Variants in TFEC observed in about 807,000 individuals in gnomAD.
TFEC encodes the protein class E basic helix-loop-helix protein 34.
In TFEC, 31 loss-of-function variants were observed where a neutral mutation model predicts 41.6. The ratio of observed to expected loss-of-function variants is 0.74; its 90% CI spans 0.56 to 1.01. TFEC has a LOEUF of 1.01. TFEC is among the 50% of genes least tolerant of loss of function. TFEC has a pLI of 0.00. For missense variants in TFEC, 402 were observed against 404.1 expected (o/e 0.99, Z 0.04); for synonymous variants, 143 against 140.6 (o/e 1.02, Z -0.12).
intron 3 of TFEC, among the ~76,000 whole-genome samples, chr7:116,040,387 G>GT (rs1395060042): frequency 6.6e-6 from 1 of 152,066 alleles, no homozygotes; most frequent in Admixed American, 6.6e-5. Flanking sequence ...CTATTAACAA[G>GT]TTTTTTATCT....
At chr7:116,110,895 G>T in exon 3 of TFEC, 1 of 1,534,470 alleles carries the variant, frequency 6.5e-7, no homozygotes, top group Non-Finnish European at 8.8e-7. Context: ...TCCAGTTAAA[G>T]CTTGTAACAT....
chr7:116,071,625 G>T (rs1429221821), intron 3 of TFEC, among the ~76,000 whole-genome samples: 1 of 151,286 alleles, frequency 6.6e-6, no homozygotes, highest in African/African-American at 2.4e-5. Flanking sequence ...TATAATGATT[G>T]TTATGTAGAA....
At chr7:115,943,261 G>C (rs1793598071) in intron 6 of TFEC, among the ~76,000 whole-genome samples, 2 of 151,906 alleles carry the variant, frequency 1.3e-5, no homozygotes, top group Admixed American at 1.3e-4. Flanking sequence ...GTGGTGGGAA[G>C]GGTGGGGAGA....
chr7:116,056,746 C>T (rs963234043), intron 3 of TFEC, among the ~76,000 whole-genome samples: 1 of 152,004 alleles, frequency 6.6e-6, no homozygotes, highest in Non-Finnish European at 1.5e-5. Context: ...TATAGGAATA[C>T]AAAAATATCT....
intron 1 of TFEC, among the ~76,000 whole-genome samples, chr7:116,024,204 T>A (rs537630374): frequency 6.6e-6 from 1 of 152,284 alleles, no homozygotes; most frequent in South Asian, 2.1e-4. Flanking sequence ...ATTATCCATG[T>A]GTAAGCCTAG....
At chr7:116,042,511 A>G (rs1796063301) in intron 3 of TFEC, among the ~76,000 whole-genome samples, 1 of 152,210 alleles carries the variant, frequency 6.6e-6, no homozygotes. Flanking sequence ...ATTAAAATGG[A>G]CAAATTTGAA....
At chr7:116,153,022 T>C (rs1798793121) in intron 1 of TFEC, among the ~76,000 whole-genome samples, 1 of 152,174 alleles carries the variant, frequency 6.6e-6, no homozygotes, top group South Asian at 2.1e-4. Flanking sequence ...CATAAGCATG[T>C]TGAGGCGAGC....
At chr7:116,083,934 A>G (rs934563832) in intron 3 of TFEC, among the ~76,000 whole-genome samples, 7 of 151,884 alleles carry the variant, frequency 4.6e-5, no homozygotes, top group African/African-American at 1.7e-4. Flanking sequence ...TTTTGAGTCA[A>G]TGAATTGAAA....
chr7:115,965,023 A>G (rs1000102348), intron 3 of TFEC, among the ~76,000 whole-genome samples: 2 of 151,634 alleles, frequency 1.3e-5, no homozygotes, highest in Non-Finnish European at 3.0e-5. Context: ...TAACAACTGT[A>G]GAAATGACAG....
At chr7:116,110,541 A>G (rs1797830088) in intron 3 of TFEC, among the ~76,000 whole-genome samples, 1 of 152,100 alleles carries the variant, frequency 6.6e-6, no homozygotes, top group Admixed American at 6.6e-5. Context: ...TAAATGGGTC[A>G]GTTAATGTAA....
chr7:116,045,615 G>A (rs1467330861), intron 3 of TFEC, among the ~76,000 whole-genome samples: 1 of 152,242 alleles, frequency 6.6e-6, no homozygotes, highest in Non-Finnish European at 1.5e-5. Context: ...TGCTGCAGGG[G>A]CAGGGCCCTC....
intron 1 of TFEC, among the ~76,000 whole-genome samples, chr7:116,144,468 G>C (rs1181050014): frequency 2.6e-5 from 4 of 152,062 alleles, no homozygotes; most frequent in African/African-American, 9.7e-5. Context: ...GGTCAAACAC[G>C]GTCTAGATTT....
intron 3 of TFEC, among the ~76,000 whole-genome samples, chr7:116,082,059 C>G (rs571753439): frequency 6.6e-6 from 1 of 152,020 alleles, no homozygotes; most frequent in Non-Finnish European, 1.5e-5. Flanking sequence ...TTCGTTTATA[C>G]ATCTGTCTCC....
intron 1 of TFEC, among the ~76,000 whole-genome samples, chr7:115,993,961 C>T (rs1794241933): frequency 6.6e-6 from 1 of 152,184 alleles, no homozygotes; most frequent in South Asian, 2.1e-4. Context: ...AACTATACTA[C>T]AAGGCTACAG....
chr7:116,031,548 T>C (rs1795782768), upstream of TFEC, among the ~76,000 whole-genome samples: 1 of 152,184 alleles, frequency 6.6e-6, no homozygotes, highest in African/African-American at 2.4e-5. Flanking sequence ...AATTCATTCT[T>C]GTAACAGTTA....
chr7:116,094,768 G>T (rs1458471443), intron 3 of TFEC, among the ~76,000 whole-genome samples: 1 of 152,086 alleles, frequency 6.6e-6, no homozygotes, highest in Non-Finnish European at 1.5e-5. Context: ...CTTACAGATG[G>T]TCCAACTTAC....
At chr7:115,974,663 T>G (rs1793302978) in intron 2 of TFEC, among the ~76,000 whole-genome samples, 1 of 150,974 alleles carries the variant, frequency 6.6e-6, no homozygotes, top group Admixed American at 6.6e-5. Flanking sequence ...TGTACAGAGA[T>G]TACTTTCTAC....
chr7:115,954,371 C>G (rs888933067), intron 5 of TFEC, among the ~76,000 whole-genome samples: 23 of 151,962 alleles, frequency 1.5e-4, no homozygotes, highest in Non-Finnish European at 3.1e-4. Flanking sequence ...AGTGAATGAT[C>G]AAGGAGGGAA....
intron 6 of TFEC, among the ~76,000 whole-genome samples, chr7:115,944,395 T>G (rs920841412): frequency 6.6e-6 from 1 of 151,580 alleles, no homozygotes; most frequent in Non-Finnish European, 1.5e-5. Context: ...GGGTTTTGTT[T>G]TGTTAACACC....
Sources: gnomAD v4.1 joint callset for allele counts (sites outside exome capture counted in the v4.1 genomes callset) on GRCh38, gnomAD v4.1.1 for gene constraint, MANE v1.5 for transcripts, NCBI Gene and HGNC (gene_info 2026-07-23, HGNC 2026-07-21) for gene names.